Variants in ZMAT4 observed in about 807,000 individuals in gnomAD.
ZMAT4 encodes zinc finger matrin-type 4, also known as zinc finger matrin-type protein 4.
ZMAT4 carries 17 observed loss-of-function variants against 28.7 expected under a neutral mutation model. The observed-to-expected ratio is 0.59, with a 90% CI of 0.41 to 0.89. The LOEUF (loss-of-function observed/expected upper bound fraction) is 0.89. Among genes scored for constraint, ZMAT4 ranks in the 40% least tolerant of loss-of-function variants. ZMAT4 has a pLI of 0.00. For missense variants in ZMAT4, 240 were observed against 283.8 expected, an observed-to-expected ratio of 0.85 and a Z score of 1.11; for synonymous variants, 117 against 109.2, an observed-to-expected ratio of 1.07 and a Z score of -0.44.
Position 40,603,189 on chromosome 8 carries a change from C to T in ZMAT4, c.578-21928G>A, listed in dbSNP as rs180932164. Among the ~76,000 whole-genome samples the T allele has an allele frequency of 2.0e-5, 3 of 152,268 alleles. No individual in the cohort carries two copies. In the East Asian group the frequency reaches 5.8e-4, roughly 29 times the overall value. ...CATTTGTTGAATAGAGTGTCCTTTT[C>T]CCACTTCATGTTTTTGTTTGCTTTG... On this transcript the variant is annotated intron_variant, in intron 5 of 6. Coordinates refer to ENST00000297737, the MANE Select transcript of ZMAT4 (RefSeq NM_024645.3).
chr8:40,595,461 T>C (rs1160620755), intron 5 of ZMAT4, among the ~76,000 whole-genome samples: 1 of 152,164 alleles, frequency 6.6e-6, no homozygotes, highest in Non-Finnish European at 1.5e-5. Context: ...GGGAATTTTG[T>C]TGTGTGAACA....
intron 6 of ZMAT4, among the ~76,000 whole-genome samples, chr8:40,559,562 C>G (rs1803662369): frequency 1.3e-5 from 2 of 152,146 alleles, no homozygotes; most frequent in South Asian, 4.1e-4. Flanking sequence ...GCTTTTTGGC[C>G]TCTGCTAGAG....
chr8:40,716,060 T>C (rs1266430033), intron 3 of ZMAT4, among the ~76,000 whole-genome samples: 1 of 152,168 alleles, frequency 6.6e-6, no homozygotes, highest in African/African-American at 2.4e-5. Context: ...GCTATCTTTA[T>C]CACTCAGCAC....
chr8:40,820,857 GTGTT>G (rs1388581716), intron 2 of ZMAT4, among the ~76,000 whole-genome samples: 2 of 143,554 alleles, frequency 1.4e-5, no homozygotes, highest in Admixed American at 6.9e-5. Context: ...ATGTTTATGT[GTGTT>G]TGTGTGTTTA....
chr8:40,656,425 A>G (rs1444205707), intron 5 of ZMAT4, among the ~76,000 whole-genome samples: 6 of 152,176 alleles, frequency 3.9e-5, no homozygotes, highest in African/African-American at 1.4e-4. Flanking sequence ...CATATGACCC[A>G]GCAATTCTAC....
Position 40,836,785 on chromosome 8 carries a change from G to C in ZMAT4, c.-4-11105C>G, listed in dbSNP as rs144780822. ...GGTTGGGGAGACAGAAGGGATGAGA[G>C]AGAAACACATGGACAGATGTAAGCG... On this transcript the variant is annotated intron_variant, in intron 1 of 6. Coordinates refer to ENST00000297737, the MANE Select transcript of ZMAT4 (RefSeq NM_024645.3). 1.3e-3 allele frequency among the ~76,000 whole-genome samples: 193 copies of C among 152,338 alleles called. 1 individual carries two copies. Among genetic ancestry groups the C allele is most frequent in the African/African-American group, 4.5e-3 (188 of 41,580 alleles).
chr8:40,876,441 TAGATG>T (rs1265948844), intron 1 of ZMAT4, among the ~76,000 whole-genome samples: 2 of 152,136 alleles, frequency 1.3e-5, no homozygotes, highest in East Asian at 3.9e-4. Context: ...GCTTCCCCAG[TAGATG>T]CAACTATAGG....
chr8:40,740,217 C>G (rs1811942470), intron 3 of ZMAT4, among the ~76,000 whole-genome samples: 1 of 152,168 alleles, frequency 6.6e-6, no homozygotes, highest in South Asian at 2.1e-4. Flanking sequence ...AATTGCCACA[C>G]TGTCTTCCAC....
At chr8:40,836,013 G>A (rs1307624497) in intron 1 of ZMAT4, among the ~76,000 whole-genome samples, 1 of 152,180 alleles carries the variant, frequency 6.6e-6, no homozygotes, top group African/African-American at 2.4e-5. Flanking sequence ...CAGAGGAAGG[G>A]ACTCACTATC....
intron 5 of ZMAT4, among the ~76,000 whole-genome samples, chr8:40,646,593 T>A (rs1429045188): frequency 6.6e-6 from 1 of 152,154 alleles, no homozygotes; most frequent in East Asian, 1.9e-4. Flanking sequence ...TTGTTGTCAA[T>A]TTAATTTAAT....
At chr8:40,557,966 A>G (rs529000592) in intron 6 of ZMAT4, among the ~76,000 whole-genome samples, 9 of 152,190 alleles carry the variant, frequency 5.9e-5, no homozygotes, top group Non-Finnish European at 1.3e-4. Context: ...GACAGAGAAC[A>G]CTGAGGTGAA....
At chr8:40,717,106 G>C (rs1456570817) in intron 3 of ZMAT4, among the ~76,000 whole-genome samples, 1 of 152,130 alleles carries the variant, frequency 6.6e-6, no homozygotes. Flanking sequence ...TTTTATCTTT[G>C]ATTGCTCAGT....
intron 6 of ZMAT4, among the ~76,000 whole-genome samples, chr8:40,563,012 C>T (rs1012959515): frequency 1.3e-5 from 2 of 152,138 alleles, no homozygotes; most frequent in Non-Finnish European, 2.9e-5. Context: ...AACTCATCTA[C>T]TCCCATATCA....
At chr8:40,678,744 A>C (rs1809016209) in intron 4 of ZMAT4, among the ~76,000 whole-genome samples, 1 of 152,168 alleles carries the variant, frequency 6.6e-6, no homozygotes, top group Non-Finnish European at 1.5e-5. Context: ...CATTTTCACA[A>C]TCCCTGTTTC....
rs71224836 is a variant in ZMAT4, at chr8:40,601,468, G to GGAAAGAAAGAAA, written c.578-20219_578-20208dup. Among the ~76,000 whole-genome samples the GGAAAGAAAGAAA allele has an allele frequency of 8.9e-3, 178 of 19,980 alleles. 7 individuals carry two copies. The highest frequency in any genetic ancestry group is 0.024 in the African/African-American group (134 of 5,616). The allele number at this position is 19,980 out of a possible 152,430, so 13.1% of individuals were successfully genotyped here. ...AGGAAGGAAGGAAGGGAGGAAGAAA[G>GGAAAGAAAGAAA]GAAAGAAAGAAAGAAAGAAAGAAAG... On this transcript the variant is annotated intron_variant, in intron 5 of 6. Transcript: ENST00000297737.
At chr8:40,805,069 C>T (rs949980658) in intron 2 of ZMAT4, among the ~76,000 whole-genome samples, 2 of 151,138 alleles carry the variant, frequency 1.3e-5, no homozygotes, top group Admixed American at 6.6e-5. Context: ...GGCTAATATC[C>T]AGAATCTACA....
intron 6 of ZMAT4, among the ~76,000 whole-genome samples, chr8:40,533,925 G>A (rs1802769827): frequency 6.6e-6 from 1 of 152,136 alleles, no homozygotes; most frequent in South Asian, 2.1e-4. Flanking sequence ...GAGCAAATAA[G>A]TATAATTTCA....
At chr8:40,810,779 G>C (rs533320336) in intron 2 of ZMAT4, among the ~76,000 whole-genome samples, 1 of 152,046 alleles carries the variant, frequency 6.6e-6, no homozygotes, top group Non-Finnish European at 1.5e-5. Flanking sequence ...GACAGAATGG[G>C]AGAAGATAGT....
chr8:40,690,807 A>T (rs934550661), intron 4 of ZMAT4: 6 of 760,382 alleles, frequency 7.9e-6, no homozygotes, highest in Non-Finnish European at 9.6e-6. Flanking sequence ...TGTCTCTCTA[A>T]TTTTCAACAG....
Sources: gnomAD v4.1 joint callset for allele counts (sites outside exome capture counted in the v4.1 genomes callset) on GRCh38, gnomAD v4.1.1 for gene constraint, MANE v1.5 for transcripts, NCBI Gene and HGNC (gene_info 2026-07-23, HGNC 2026-07-21) for gene names.